Variants in ATG13 observed in about 807,000 individuals in gnomAD.
ATG13 encodes autophagy-related protein 13.
In ATG13, 23 loss-of-function variants were observed where a neutral mutation model predicts 65.5. That is an observed-to-expected ratio of 0.35 (90% CI 0.25 to 0.50). The LOEUF is 0.50. Ranked by LOEUF, ATG13 falls within the 20% of genes least tolerant of loss-of-function variation. The probability of loss-of-function intolerance (pLI) is 0.98; values close to 1 mark genes in which losing one functional copy is unlikely to be tolerated. For synonymous variants in ATG13, 252 were observed against 245.2 expected, an observed-to-expected ratio of 1.03 and a Z score of -0.26; for missense variants, 566 against 677.0, an observed-to-expected ratio of 0.84 and a Z score of 1.82.
At chr11:46,651,852 T>C (rs578004106) in intron 7 of ATG13, among the ~76,000 whole-genome samples, 50 of 152,310 alleles carry the variant, frequency 3.3e-4, no homozygotes, top group Middle Eastern at 3.4e-3. Flanking sequence ...TATTGAGATA[T>C]ATTAGAAAGA....
At chr11:46,645,267 C>A in intron 3 of ATG13, 72 bp from the exon 4 acceptor site, 1 of 1,363,922 alleles carries the variant, frequency 7.3e-7, no homozygotes, top group Non-Finnish European at 1.0e-6. Flanking sequence ...GATTTTAACC[C>A]TGATCGGGAG....
At chr11:46,647,310 CAG>C (rs1291679256) in intron 5 of ATG13, among the ~76,000 whole-genome samples, 23 of 131,564 alleles carry the variant, frequency 1.7e-4, no homozygotes, top group Admixed American at 1.5e-3. Context: ...TTTTTTGAGA[CAG>C]AGTCGCGTAG....
chr11:46,654,545 A>G (rs1057067561), intron 7 of ATG13, among the ~76,000 whole-genome samples: 1 of 150,934 alleles, frequency 6.6e-6, no homozygotes, highest in Admixed American at 6.6e-5. Context: ...ACACACCGAG[A>G]CCCTGTCTAT....
At chr11:46,662,097 CAG>C (rs1477201052) in intron 11 of ATG13, among the ~76,000 whole-genome samples, 1 of 152,130 alleles carries the variant, frequency 6.6e-6, no homozygotes, top group Non-Finnish European at 1.5e-5. Context: ...CTTACTGACA[CAG>C]AGTAGCATTG....
chr11:46,655,841 G>C (rs552090116), intron 7 of ATG13, among the ~76,000 whole-genome samples: 2 of 152,206 alleles, frequency 1.3e-5, no homozygotes, highest in South Asian at 4.1e-4. Flanking sequence ...GGGCTTAAGT[G>C]ATCCTCCCAC....
chr11:46,668,933 G>C, intron 17 of ATG13, 23 bp downstream of exon 17: 3 of 1,565,996 alleles, frequency 1.9e-6, no homozygotes, highest in Non-Finnish European at 2.6e-6. Flanking sequence ...CACCTTCCTT[G>C]ACCTTTGCTG....
In ATG13 at chr11:46,617,620, GC is replaced by G. The variant is rs2045720664; in HGVS notation, c.-339del. The G allele has an allele frequency of 2.6e-6, 1 of 378,694 alleles. No homozygotes were observed. Among genetic ancestry groups the G allele is most frequent in the Admixed American group, 4.5e-5 (1 of 22,024 alleles). 23.5% of individuals were successfully genotyped at this position (378,694 alleles called of 1,614,324 possible). On this transcript the variant is annotated 5_prime_UTR_variant, in exon 1 of 19. The change creates a premature stop within an existing upstream ORF in the 5' untranslated region. Transcript: ENST00000683050. ...GCGCCGGGAAGCGACCGGCTGCTGG[GC>G]TTAAGGCGGGAGTGACCGCTTAACC...
In ATG13 at chr11:46,645,908, T is replaced by C. The variant is rs2057401672; in HGVS notation, c.189T>C (p.His63=). 2 of 1,614,098 alleles carry C rather than the reference T, an allele frequency of 1.2e-6. No homozygotes were observed. Among genetic ancestry groups the C allele is most frequent in the South Asian group, 2.2e-5 (2 of 91,090 alleles). ...TCAAAGACATCCCAGAGGTTACACATGAAGCAAAGAAGGCACTGGCAGGAC... is the reference window on the plus strand; with the variant it reads ...TCAAAGACATCCCAGAGGTTACACACGAAGCAAAGAAGGCACTGGCAGGAC... The part of the protein sequence containing the change: ...LAIKDIPEVT[H]EAKKALAGQL... Residue 63 remains histidine, a synonymous_variant, in exon 5 of 19, where the codon CAT becomes CAC. Coordinates refer to ENST00000683050, the MANE Select transcript of ATG13 (RefSeq NM_001346311.2).
intron 7 of ATG13, among the ~76,000 whole-genome samples, chr11:46,653,272 A>C (rs1328030430): frequency 6.8e-6 from 1 of 147,556 alleles, no homozygotes; most frequent in Admixed American, 6.9e-5. Flanking sequence ...TCCTTGGTTC[A>C]AGTGATTGTC....
At chr11:46,624,836 C>T (rs936624129) in intron 1 of ATG13, among the ~76,000 whole-genome samples, 1 of 151,986 alleles carries the variant, frequency 6.6e-6, no homozygotes, top group Admixed American at 6.6e-5. Context: ...AGTTTGAGAC[C>T]AGCCTGAGCA....
intron 12 of ATG13, among the ~76,000 whole-genome samples, chr11:46,664,486 T>A (rs2061854740): frequency 1.3e-5 from 2 of 152,194 alleles, no homozygotes; most frequent in Admixed American, 1.3e-4. Flanking sequence ...AGAATGACTT[T>A]GGAGAACCTG....
Position 46,667,940 on chromosome 11 carries a change from G to T in ATG13, c.1251+53G>T, listed in dbSNP as rs544911083. On this transcript the variant is annotated intron_variant, in intron 15 of 18. Coordinates refer to ENST00000683050, the MANE Select transcript of ATG13 (RefSeq NM_001346311.2). The stretch of plus-strand genomic sequence containing the variant: ...AGAATGTCTGAGTTCTTAGAGTAAG[G>T]CCCCACAGGCAGTTTTCTTAACCTG... The T allele has an allele frequency of 5.0e-6, 7 of 1,413,816 alleles. No individual in the cohort carries two copies. In the Admixed American group the frequency reaches 7.1e-5, roughly 14 times the overall value. The allele number at this position is 1,413,816 out of a possible 1,614,324, so 87.6% of individuals were successfully genotyped here. A position where few individuals can be genotyped will look rare whatever the true frequency, so the allele number is the denominator to read the frequency against.
intron 2 of ATG13, among the ~76,000 whole-genome samples, chr11:46,637,674 C>T (rs557098461): frequency 6.6e-6 from 1 of 152,316 alleles, no homozygotes; most frequent in Admixed American, 6.5e-5. Context: ...AAATAGCACC[C>T]AGATGAGAAC....
chr11:46,639,133 G>A (rs989925257), intron 2 of ATG13, among the ~76,000 whole-genome samples: 3 of 152,008 alleles, frequency 2.0e-5, no homozygotes, highest in South Asian at 4.1e-4. Context: ...GACTGCAGGC[G>A]CCACAACCAT....
intron 2 of ATG13, among the ~76,000 whole-genome samples, chr11:46,643,279 C>G (rs1033139793): frequency 6.6e-6 from 1 of 152,084 alleles, no homozygotes; most frequent in Admixed American, 6.6e-5. Flanking sequence ...TCAACAACAG[C>G]TTGATTGTAA....
chr11:46,631,029 C>T (rs2051535868), intron 2 of ATG13: 1 of 152,000 alleles, frequency 6.6e-6, no homozygotes, highest in African/African-American at 2.4e-5. Context: ...TTTTTATTTT[C>T]CAATACTTCG....
intron 1 of ATG13, among the ~76,000 whole-genome samples, chr11:46,624,905 C>T (rs1402260733): frequency 6.6e-6 from 1 of 152,026 alleles, no homozygotes; most frequent in Non-Finnish European, 1.5e-5. Flanking sequence ...TGGTGGTGTG[C>T]ACCTGTAGTC....
At chr11:46,663,820 GTTGTCCCTTTGGAAA>G (rs2061675561) in intron 11 of ATG13, among the ~76,000 whole-genome samples, 162 bp from the exon 12 acceptor site, 1 of 152,048 alleles carries the variant, frequency 6.6e-6, no homozygotes, top group Admixed American at 6.5e-5. Flanking sequence ...AATCTTCCAA[GTTGTCCCTTTGGAAA>G]GACAGCCCCA....
rs556964444 is a variant in ATG13, at chr11:46,672,614, C to A, written c.*282C>A. 34 of 1,420,074 alleles carry A rather than the reference C, an allele frequency of 2.4e-5. No individual in the cohort carries two copies. In the South Asian group the frequency reaches 3.5e-4, roughly 15 times the overall value. The allele number at this position is 1,420,074 out of a possible 1,614,324, so 88.0% of individuals were successfully genotyped here. ...TCAGCAGGGCCATCTGTGTGCCCTG[C>A]CCATCACCAACTGCTTCCCAAGGGT... is the stretch of plus-strand genomic sequence containing the variant. On this transcript the variant is annotated 3_prime_UTR_variant, in exon 19 of 19. Transcript: ENST00000683050.
Sources: allele counts gnomAD v4.1 joint callset (sites outside exome capture counted in the v4.1 genomes callset), GRCh38; gene constraint gnomAD v4.1.1; transcripts MANE v1.5; gene names NCBI Gene and HGNC (gene_info 2026-07-23, HGNC 2026-07-21).